ZNF618: variants seen among roughly 807,000 people sequenced by gnomAD.
ZNF618 encodes the protein neural precursor cell expressed, developmentally down-regulated 10.
In ZNF618, 34 loss-of-function variants were observed where a neutral mutation model predicts 103.0. That is an observed-to-expected ratio of 0.33 (90% CI 0.25 to 0.44). ZNF618 has a LOEUF of 0.44. ZNF618 is among the 20% of genes least tolerant of loss of function. The pLI is 1.00. For synonymous variants in ZNF618, 551 were observed against 542.2 expected (o/e 1.02, Z -0.23); for missense variants, 1,059 against 1,295.4 (o/e 0.82, Z 2.80).
chr9:114,049,798 C>T lies in ZNF618; in HGVS notation c.2496C>T (p.Leu832=). The part of the protein sequence containing the change: ...HEEIIGKVCE[L]INEVKESWAE... ...AGATCATCGGCAAGGTCTGTGAGCT[C>T]ATCAACGAGGTGAAGGAGTCCTGGG... Residue 832 remains leucine (L), a synonymous_variant, in exon 15 of 15, where the codon CTC becomes CTT. Coordinates refer to ENST00000374126, the MANE Select transcript of ZNF618 (RefSeq NM_001318042.2). 1 of 1,614,000 alleles carries T rather than the reference C, an allele frequency of 6.2e-7. No individual in the cohort carries two copies. Among genetic ancestry groups the T allele is most frequent in the Non-Finnish European group, 8.5e-7 (1 of 1,179,904 alleles).
At chr9:113,983,023 A>G (rs1282405778) in intron 2 of ZNF618, among the ~76,000 whole-genome samples, 2 of 152,246 alleles carry the variant, frequency 1.3e-5, no homozygotes, top group East Asian at 3.8e-4. Flanking sequence ...TTCATAGCAT[A>G]TCTTGAGCAA....
At position 114,050,062 on chromosome 9, in the gene ZNF618, C is replaced by T. The variant is rs754329459; in HGVS notation, c.2760C>T (p.Ser920=). 47 of 1,613,360 alleles carry T rather than the reference C, an allele frequency of 2.9e-5. No individual in the cohort carries two copies. In the Middle Eastern group the frequency reaches 4.9e-4, roughly 17 times the overall value. Residue 920 remains serine (S), a synonymous_variant, in exon 15 of 15, where the codon AGC becomes AGT. Coordinates refer to ENST00000374126, the MANE Select transcript of ZNF618 (RefSeq NM_001318042.2). Reference sequence around the variant, plus strand: ...CGGTTCCGGCCGTGGGCGCCAGAAGCGGGTGTGTAAATATGTGTGAACAAG... The same window carrying T: ...CGGTTCCGGCCGTGGGCGCCAGAAGTGGGTGTGTAAATATGTGTGAACAAG... ...LLAVPAVGAR[S]GCVNMCEQAL...
intron 1 of ZNF618, among the ~76,000 whole-genome samples, chr9:113,880,158 A>G (rs180701041): frequency 9.9e-5 from 15 of 152,188 alleles, no homozygotes; most frequent in Admixed American, 9.8e-4. Flanking sequence ...CTTCCTTGCC[A>G]TATATGACTG....
rs907477817 is a variant in ZNF618 at position 114,056,153 on chromosome 9, T to G, written c.*5986T>G. 1.3e-5 allele frequency: 2 copies of G among 152,424 alleles called. No homozygotes were observed. The highest frequency in any genetic ancestry group is 1.3e-4 in the Admixed American group (2 of 15,276). 9.4% of individuals were successfully genotyped at this position (152,424 alleles called of 1,614,324 possible). A position where few individuals can be genotyped will look rare whatever the true frequency, so the allele number is the denominator to read the frequency against. ...CCGAGACCAAACTTGAGGGTTTATT[T>G]AGGGTTTTCTGTTTGTCCTTTGGGT... On this transcript the variant is annotated 3_prime_UTR_variant, in exon 15 of 15. Transcript: ENST00000374126.
chr9:113,988,447 T>C lies in ZNF618; in HGVS notation c.204T>C (p.Asp68=), dbSNP rs371279114. The C allele has an allele frequency of 4.8e-5, 77 of 1,613,534 alleles. No homozygotes were observed. Among genetic ancestry groups the C allele is most frequent in the Non-Finnish European group, 5.9e-5 (70 of 1,179,906 alleles). ...TGAAGGTGAAGACAGAGCTGCCCGA[T>C]GACTACATCCAGGAGGTGATCTGGC... ...TEVKVKTELP[D]DYIQEVIWQG... The change falls in exon 3 of 15, where the codon GAT becomes GAC. Residue 68 remains aspartate (D), a synonymous_variant. Coordinates refer to ENST00000374126, the MANE Select transcript of ZNF618 (RefSeq NM_001318042.2).
intron 1 of ZNF618, among the ~76,000 whole-genome samples, chr9:113,912,979 A>T (rs932694019): frequency 1.3e-5 from 2 of 152,090 alleles, no homozygotes; most frequent in African/African-American, 4.8e-5. Context: ...TACTCCAGAC[A>T]TTCTGCTTGG....
chr9:113,956,106 G>A (rs760106642), intron 1 of ZNF618, among the ~76,000 whole-genome samples: 4 of 150,910 alleles, frequency 2.7e-5, no homozygotes, highest in Non-Finnish European at 5.9e-5. Context: ...CTACTCGGGA[G>A]GCTGAGGCAG....
chr9:113,990,966 T>G (rs866084217), intron 3 of ZNF618, among the ~76,000 whole-genome samples: 1 of 152,208 alleles, frequency 6.6e-6, no homozygotes, highest in African/African-American at 2.4e-5. Context: ...CTGCACTTGC[T>G]CTCTTTGGTA....
At chr9:113,978,269 T>C (rs1407055458) in intron 2 of ZNF618, among the ~76,000 whole-genome samples, 1 of 152,240 alleles carries the variant, frequency 6.6e-6, no homozygotes, top group Non-Finnish European at 1.5e-5. Flanking sequence ...ACTGTGGTTC[T>C]GCTCCATGTT....
intron 1 of ZNF618, among the ~76,000 whole-genome samples, chr9:113,935,199 A>G (rs1833927528): frequency 6.6e-6 from 1 of 152,168 alleles, no homozygotes. Flanking sequence ...GAGGCTCACC[A>G]TGCCATTTAG....
At chr9:113,936,823 G>A (rs1050857447) in intron 1 of ZNF618, among the ~76,000 whole-genome samples, 1 of 151,744 alleles carries the variant, frequency 6.6e-6, no homozygotes, top group Non-Finnish European at 1.5e-5. Flanking sequence ...TATTTTTTTA[G>A]CATTTTTTCT....
intron 10 of ZNF618, chr9:114,028,488 T>G (rs1588396068): frequency 1.7e-6 from 1 of 582,334 alleles, no homozygotes; most frequent in Non-Finnish European, 3.0e-6. Flanking sequence ...TGGTCAAGGG[T>G]TATGGGTGAC....
At chr9:113,901,758 G>A (rs935373655) in intron 1 of ZNF618, among the ~76,000 whole-genome samples, 1 of 152,116 alleles carries the variant, frequency 6.6e-6, no homozygotes, top group African/African-American at 2.4e-5. Context: ...AAACCTGCAA[G>A]CAAGTTTTGT....
intron 1 of ZNF618, among the ~76,000 whole-genome samples, chr9:113,907,525 G>C (rs1187952625): frequency 6.6e-6 from 1 of 152,182 alleles, no homozygotes; most frequent in Non-Finnish European, 1.5e-5. Flanking sequence ...CCTGGATCTT[G>C]TTCCCTTTTG....
At chr9:113,965,172 G>A (rs1161085363) in intron 1 of ZNF618, among the ~76,000 whole-genome samples, 1 of 151,922 alleles carries the variant, frequency 6.6e-6, no homozygotes, top group African/African-American at 2.4e-5. Flanking sequence ...ATTAAAAAAG[G>A]GTTTATTTTA....
intron 2 of ZNF618, among the ~76,000 whole-genome samples, chr9:113,972,311 A>G (rs1452008638): frequency 6.6e-6 from 1 of 152,212 alleles, no homozygotes; most frequent in African/African-American, 2.4e-5. Context: ...GGCCTCCCAA[A>G]GTGCTGGGAT....
chr9:113,882,159 C>G (rs1828585173), intron 1 of ZNF618, among the ~76,000 whole-genome samples: 1 of 152,076 alleles, frequency 6.6e-6, no homozygotes, highest in South Asian at 2.1e-4. Flanking sequence ...AGCAGGAAAT[C>G]CCCCCAGGCC....
rs1193841920 is a variant in ZNF618, at chr9:114,050,152, A to C, written c.2850A>C (p.Lys950Asn). The C allele has an allele frequency of 6.4e-7, 1 of 1,558,388 alleles. No individual in the cohort carries two copies. Among genetic ancestry groups the C allele is most frequent in the Non-Finnish European group, 8.7e-7 (1 of 1,154,794 alleles). ...PEDMNKLMFLKSNML is the reference protein window; with the variant it reads ...PEDMNKLMFLNSNML ...ATATGAATAAACTCATGTTTCTGAA[A>C]TCCAACATGCTTTAAGACTTGACTT... The change falls in exon 15 of 15, where the codon AAA (lysine) becomes AAC (asparagine). Residue 950 changes from lysine (K) to asparagine (N), a missense_variant. Physicochemically the swap from Lys to Asn is moderately conservative, Grantham distance 94. Coordinates refer to ENST00000374126, the MANE Select transcript of ZNF618 (RefSeq NM_001318042.2).
At chr9:113,961,777 T>C (rs764555519) in intron 1 of ZNF618, among the ~76,000 whole-genome samples, 9 of 152,230 alleles carry the variant, frequency 5.9e-5, no homozygotes, top group Non-Finnish European at 8.8e-5. Context: ...TTTTCAGCAT[T>C]GGCCCTGGCA....
Sources: gnomAD v4.1 joint callset for allele counts (sites outside exome capture counted in the v4.1 genomes callset) on GRCh38, gnomAD v4.1.1 for gene constraint, MANE v1.5 for transcripts, NCBI Gene and HGNC (gene_info 2026-07-23, HGNC 2026-07-21) for gene names.